RIMS4: variants seen among roughly 807,000 people sequenced by gnomAD.
The protein encoded by RIMS4 is regulating synaptic membrane exocytosis 4.
RIMS4 carries 9 observed loss-of-function variants against 29.0 expected under a neutral mutation model. That is an observed-to-expected ratio of 0.31 (90% CI 0.19 to 0.54). RIMS4 has a LOEUF of 0.54. Ranked by LOEUF, RIMS4 falls within the 20% of genes least tolerant of loss-of-function variation. The pLI is 0.94. For missense variants in RIMS4, 193 were observed against 365.7 expected (o/e 0.53, Z 3.85); for synonymous variants, 130 against 152.9 (o/e 0.85, Z 1.10).
intron 1 of RIMS4, among the ~76,000 whole-genome samples, chr20:44,777,246 T>G (rs1361393798): frequency 6.6e-6 from 1 of 152,214 alleles, no homozygotes; most frequent in African/African-American, 2.4e-5. Flanking sequence ...TTGAATTGGC[T>G]TTAGGATGTG....
chr20:44,808,011 C>T (rs1273860398), intron 1 of RIMS4, among the ~76,000 whole-genome samples: 1 of 151,882 alleles, frequency 6.6e-6, no homozygotes, highest in African/African-American at 2.4e-5. Context: ...GGAAAGAGAA[C>T]CATAAACCTG....
chr20:44,763,702 T>C lies in RIMS4; in HGVS notation c.237-5518A>G, dbSNP rs567380793. Among the ~76,000 whole-genome samples the C allele has an allele frequency of 1.1e-4, 17 of 152,368 alleles. No homozygotes were observed. The East Asian group carries it at 2.7e-3, about 24-fold the overall frequency. ...CTTTTGTTTGTGGAGCTGAAACCCA[T>C]TGGTCTTTTATTATTAACCTCTGAG... On this transcript the variant is annotated intron_variant, in intron 2 of 5. Coordinates refer to ENST00000372851, the MANE Select transcript of RIMS4 (RefSeq NM_182970.4).
At chr20:44,780,991 G>A (rs2066181943) in intron 1 of RIMS4, among the ~76,000 whole-genome samples, 1 of 152,170 alleles carries the variant, frequency 6.6e-6, no homozygotes, top group Non-Finnish European at 1.5e-5. Context: ...CCCCTGGAAG[G>A]AAACGTTACT....
chr20:44,759,768 G>C (rs2066076308), intron 2 of RIMS4, among the ~76,000 whole-genome samples: 2 of 152,226 alleles, frequency 1.3e-5, no homozygotes, highest in Admixed American at 1.3e-4. Context: ...TAAATGGCCT[G>C]CCCTCAGGCA....
intron 1 of RIMS4, among the ~76,000 whole-genome samples, chr20:44,779,263 T>C (rs1275623899): frequency 2.6e-5 from 4 of 152,184 alleles, no homozygotes; most frequent in African/African-American, 9.7e-5. Context: ...ATAATATACA[T>C]AAAGAAAACT....
intron 1 of RIMS4, among the ~76,000 whole-genome samples, chr20:44,793,137 G>A (rs1372380811): frequency 1.3e-5 from 2 of 152,134 alleles, no homozygotes; most frequent in Non-Finnish European, 2.9e-5. Flanking sequence ...TCCTCATTAT[G>A]GGGCCACGAG....
intron 2 of RIMS4, among the ~76,000 whole-genome samples, chr20:44,766,497 G>A (rs2066114338): frequency 6.6e-6 from 1 of 152,198 alleles, no homozygotes; most frequent in Non-Finnish European, 1.5e-5. Context: ...AGAAGAATAA[G>A]TGCTGGGTGG....
intron 1 of RIMS4, among the ~76,000 whole-genome samples, chr20:44,774,667 C>T (rs1242539333): frequency 6.6e-6 from 1 of 152,242 alleles, no homozygotes; most frequent in East Asian, 1.9e-4. Flanking sequence ...ATATATACAT[C>T]TATCCTATTA....
At chr20:44,794,732 CT>C (rs1277134763) in intron 1 of RIMS4, among the ~76,000 whole-genome samples, 1 of 152,314 alleles carries the variant, frequency 6.6e-6, no homozygotes, top group Non-Finnish European at 1.5e-5. Flanking sequence ...ACACTGCTGA[CT>C]TTTTTTGTCT....
rs2066052346 is a variant in RIMS4, at chr20:44,754,961, C to G, written c.*1173G>C. The G allele has an allele frequency of 6.6e-6, 1 of 152,670 alleles. No individual in the cohort carries two copies. The highest frequency in any genetic ancestry group is 2.4e-5 in the African/African-American group (1 of 41,448). 9.5% of individuals were successfully genotyped at this position (152,670 alleles called of 1,614,324 possible). A position where few individuals can be genotyped will look rare whatever the true frequency, so the allele number is the denominator to read the frequency against. On this transcript the variant is annotated 3_prime_UTR_variant, in exon 6 of 6. Transcript: ENST00000372851. The stretch of plus-strand genomic sequence containing the variant: ...GGGCTCCCGCAGGCCCCAGGGAGGG[C>G]TGGGCTGGGAAGGCAGCTACCCAGG...
intron 1 of RIMS4, among the ~76,000 whole-genome samples, chr20:44,809,699 G>A (rs1029509298): frequency 6.6e-6 from 1 of 152,138 alleles, no homozygotes; most frequent in African/African-American, 2.4e-5. Context: ...TGGGGCGCCG[G>A]GCAGGGGTCT....
chr20:44,810,516 T>TGGCGGCGGC lies in RIMS4; in HGVS notation c.-254_-246dup, dbSNP rs1223557917. ...CTGGCGGCGGCGGCGGCGGCGGCGG[T>TGGCGGCGGC]GGCGGCGGCGGTGGCGGCGCAGCGC... On this transcript the variant is annotated 5_prime_UTR_variant, in exon 1 of 6. Transcript: ENST00000372851. Among the ~76,000 whole-genome samples, 12 of 137,578 alleles carry TGGCGGCGGC rather than the reference T, an allele frequency of 8.7e-5. No homozygotes were observed. The South Asian group carries it at 1.6e-3, about 18-fold the overall frequency. The allele number at this position is 137,578 out of a possible 152,430, so 90.3% of individuals were successfully genotyped here.
intron 1 of RIMS4, among the ~76,000 whole-genome samples, chr20:44,784,472 A>G (rs2066198989): frequency 6.6e-6 from 1 of 152,204 alleles, no homozygotes; most frequent in South Asian, 2.1e-4. Flanking sequence ...ACCTTGGACT[A>G]GCTGTTCTCA....
chr20:44,790,236 C>T (rs562935287), intron 1 of RIMS4, among the ~76,000 whole-genome samples: 2 of 152,346 alleles, frequency 1.3e-5, no homozygotes, highest in East Asian at 3.9e-4. Context: ...GCTGAGTGTC[C>T]TTCTTACCCA....
intron 1 of RIMS4, among the ~76,000 whole-genome samples, chr20:44,786,123 A>G (rs183633687): frequency 1.6e-4 from 25 of 152,290 alleles, no homozygotes; most frequent in Non-Finnish European, 2.9e-4. Flanking sequence ...GCCCCCTTTG[A>G]GAAGAGGTAG....
intron 1 of RIMS4, among the ~76,000 whole-genome samples, chr20:44,790,340 TCTGGCCAGGCA>T (rs756232612): frequency 4.1e-4 from 63 of 152,294 alleles, no homozygotes; most frequent in Non-Finnish European, 8.2e-4. Context: ...GAAGGCATGC[TCTGGCCAGGCA>T]CTGTGCCAAG....
chr20:44,769,386 A>G (rs1318078056), intron 2 of RIMS4, among the ~76,000 whole-genome samples: 1 of 152,008 alleles, frequency 6.6e-6, no homozygotes, highest in Non-Finnish European at 1.5e-5. Flanking sequence ...AGTCCTCCAG[A>G]CCTGCCCGTG....
chr20:44,766,220 C>T (rs959327329), intron 2 of RIMS4, among the ~76,000 whole-genome samples: 5 of 152,172 alleles, frequency 3.3e-5, no homozygotes, highest in Non-Finnish European at 7.3e-5. Flanking sequence ...CTGGACTTGG[C>T]TCCAGAATCC....
intron 2 of RIMS4, among the ~76,000 whole-genome samples, chr20:44,761,866 A>G (rs73286499): frequency 0.012 from 1,794 of 152,314 alleles, 31 homozygotes; most frequent in African/African-American, 0.04. Flanking sequence ...AAAGTATGAA[A>G]AAATAAAGTC....
Sources: gnomAD v4.1 joint callset for allele counts (sites outside exome capture counted in the v4.1 genomes callset) on GRCh38, gnomAD v4.1.1 for gene constraint, MANE v1.5 for transcripts, NCBI Gene and HGNC (gene_info 2026-07-23, HGNC 2026-07-21) for gene names.